TMEM106A: variants seen among roughly 807,000 people sequenced by gnomAD.
The protein encoded by TMEM106A is transmembrane protein 106A.
A neutral mutation model predicts 25.1 loss-of-function variants in TMEM106A; 22 were observed. The ratio of observed to expected loss-of-function variants is 0.88; its 90% confidence interval spans 0.63 to 1.25. The LOEUF (loss-of-function observed/expected upper bound fraction) is 1.25, where lower values mean the gene tolerates loss of function less well. Among genes scored for constraint, TMEM106A ranks in the 50% most tolerant of loss-of-function variants. The probability of loss-of-function intolerance (pLI) is 0.00; values close to 1 mark genes in which losing one functional copy is unlikely to be tolerated. For synonymous variants in TMEM106A, 104 were observed against 129.9 expected, an observed-to-expected ratio of 0.80 and a Z score of 1.35; for missense variants, 275 against 318.1, an observed-to-expected ratio of 0.86 and a Z score of 1.03.
chr17:43,216,889 C>A, intron 7 of TMEM106A, 149 bp downstream of exon 7: 1 of 1,003,280 alleles, frequency 1.0e-6, no homozygotes, highest in African/African-American at 1.6e-5. Flanking sequence ...AGCAAGGGTT[C>A]AGGGTCCCCA....
intron 8 of TMEM106A, 112 bp from the exon 9 acceptor site, chr17:43,217,569 A>G: frequency 6.5e-7 from 1 of 1,530,176 alleles, no homozygotes; most frequent in East Asian, 2.3e-5. Flanking sequence ...GTGGGGAGCC[A>G]GAGGGAAGGG....
At position 43,216,043 on chromosome 17, in the gene TMEM106A, T is replaced by G. The variant is rs911179248; in HGVS notation, c.429+102T>G. 7 of 1,464,720 alleles carry G rather than the reference T, an allele frequency of 4.8e-6. No individual in the cohort carries two copies. In the African/African-American group the frequency reaches 7.0e-5, roughly 15 times the overall value. The allele number at this position is 1,464,720 out of a possible 1,614,324, so 90.7% of individuals were successfully genotyped here. A position where few individuals can be genotyped will look rare whatever the true frequency, so the allele number is the denominator to read the frequency against. ...TGGGCATGGGAAGCCAGAGATCTTATGGCACCCAGAGGGTGTTGGGAGCCT... is the reference window on the plus strand; with the variant it reads ...TGGGCATGGGAAGCCAGAGATCTTAGGGCACCCAGAGGGTGTTGGGAGCCT... On this transcript the variant is annotated intron_variant, in intron 5 of 8. Transcript: ENST00000612339.
At chr17:43,216,881 C>A in intron 7 of TMEM106A, 141 bp downstream of exon 7, 1 of 1,130,376 alleles carries the variant, frequency 8.8e-7, no homozygotes, top group Non-Finnish European at 1.3e-6. Flanking sequence ...ATGTAATAAG[C>A]AAGGGTTCAG....
chr17:43,216,263 T>C (rs2057484889), intron 5 of TMEM106A, among the ~76,000 whole-genome samples, 186 bp from the exon 6 acceptor site: 1 of 152,182 alleles, frequency 6.6e-6, no homozygotes, highest in African/African-American at 2.4e-5. Context: ...TGAGGCAGCT[T>C]AACTTCGTAA....
rs541393430 is a variant in TMEM106A, at chr17:43,217,938, C to G, written c.*137C>G. ...CTCATCACACCCTTACCTCCCACCC[C>G]CTCAGCACAGGAAGCTTGCTTTGAA... On this transcript the variant is annotated 3_prime_UTR_variant, in exon 9 of 9. Coordinates refer to ENST00000612339, the MANE Select transcript of TMEM106A (RefSeq NM_145041.4). The G allele has an allele frequency of 4.7e-6, 6 of 1,287,080 alleles. No individual in the cohort carries two copies. The East Asian group carries it at 7.0e-5, about 15-fold the overall frequency. 79.7% of individuals were successfully genotyped at this position (1,287,080 alleles called of 1,614,324 possible).
chr17:43,216,664 T>G, intron 6 of TMEM106A, 33 bp from the exon 7 acceptor site: 4 of 1,614,102 alleles, frequency 2.5e-6, no homozygotes, highest in Non-Finnish European at 3.4e-6. Context: ...GCAGCTGGAG[T>G]TGGGGCTAAC....
In TMEM106A at chr17:43,215,794, C is replaced by CT; in HGVS notation, c.285dup (p.Val96CysfsTer39). On this transcript the variant is annotated frameshift_variant, in exon 5 of 9. Transcript: ENST00000612339. LOFTEE classifies it high-confidence loss of function. ...GGGTCCTGCTTTCCCACAGGAAGCT[C>CT]TTTGTGTTCCTGGCCGTGCTCATCT... is the stretch of plus-strand genomic sequence containing the variant. 6.2e-7 allele frequency: 1 copy of CT among 1,613,774 alleles called. No individual in the cohort carries two copies. Among genetic ancestry groups the CT allele is most frequent in the Non-Finnish European group, 8.5e-7 (1 of 1,180,012 alleles).
intron 8 of TMEM106A, 95 bp downstream of exon 8, chr17:43,217,407 CCCCATGAATCTTTGTTGGCTCTTGGGAAT>C: frequency 6.8e-7 from 1 of 1,460,212 alleles, no homozygotes; most frequent in Non-Finnish European, 9.6e-7. Context: ...TCCAAGCTGA[CCCCATGAATCTTTGTTGGCTCTTGGGAAT>C]AGCAAGTCTA....
In TMEM106A at chr17:43,213,053, G is replaced by T; in HGVS notation, c.12G>T (p.Thr4=). 6.2e-7 allele frequency: 1 copy of T among 1,614,170 alleles called. No individual in the cohort carries two copies. Among genetic ancestry groups the T allele is most frequent in the Non-Finnish European group, 8.5e-7 (1 of 1,180,028 alleles). ...CCCGCCCCTGAAGAATGGGTAAGAC[G>T]TTTTCCCAGCTGGGCTCTTGGCGGG... The part of the protein sequence containing the change: MGK[T]FSQLGSWRED... Residue 4 remains threonine (T), a synonymous_variant, in exon 3 of 9, where the codon ACG becomes ACT. Transcript: ENST00000612339.
chr17:43,217,134 T>C, intron 7 of TMEM106A, 125 bp from the exon 8 acceptor site: 1 of 974,072 alleles, frequency 1.0e-6, no homozygotes, highest in South Asian at 1.4e-5. Context: ...AGTGACATTT[T>C]GGGGGCACCT....
intron 3 of TMEM106A, 150 bp from the exon 4 acceptor site, chr17:43,213,678 C>T: frequency 1.4e-6 from 1 of 727,740 alleles, no homozygotes; most frequent in Non-Finnish European, 2.3e-6. Context: ...GTAGCAGAGT[C>T]CAGTGCTTCC....
At chr17:43,212,968 T>C (rs2057448335) in intron 2 of TMEM106A, 53 bp from the exon 3 acceptor site, 1 of 1,457,552 alleles carries the variant, frequency 6.9e-7, no homozygotes, top group Non-Finnish European at 9.5e-7. Context: ...CAAAATTACA[T>C]CTGGCGTCAG....
Position 43,217,738 on chromosome 17 carries a change from T to C in TMEM106A, c.726T>C (p.Tyr242=). 3 of 1,614,072 alleles carry C rather than the reference T, an allele frequency of 1.9e-6. No individual in the cohort carries two copies. The highest frequency in any genetic ancestry group is 4.5e-5 in the East Asian group (2 of 44,894). ...SHSEQLVFQS[Y]EYVDCRGNAS... ...CAGAGCAGCTGGTCTTTCAGAGCTA[T>C]GAATATGTGGACTGCCGAGGAAACG... The change falls in exon 9 of 9, where the codon TAT becomes TAC. Residue 242 remains tyrosine, a synonymous_variant. Transcript: ENST00000612339.
At chr17:43,217,085 C>A in intron 7 of TMEM106A, 174 bp from the exon 8 acceptor site, 1 of 701,460 alleles carries the variant, frequency 1.4e-6, no homozygotes, top group Non-Finnish European at 2.5e-6. Flanking sequence ...ATAGTGCAGC[C>A]ATGCTGCTAC....
chr17:43,214,969 AAAAAAC>A lies in TMEM106A; in HGVS notation c.276-813_276-808del, dbSNP rs1158227270. ...AGCGAGGCCTCATCTGAAAAAAAAA[AAAAAAC>A]AAAAAAAAACCCTGTAATCCCAGCA... On this transcript the variant is annotated intron_variant, in intron 4 of 8. Transcript: ENST00000612339. Among the ~76,000 whole-genome samples, 42 of 150,264 alleles carry A rather than the reference AAAAAAC, an allele frequency of 2.8e-4. 1 individual carries two copies. The East Asian group carries it at 8.3e-3, about 30-fold the overall frequency.
rs141470135 is a variant in TMEM106A, at chr17:43,217,710, A to G, written c.698A>G (p.His233Arg). Residue 233 changes from histidine (H) to arginine (R), a missense_variant, in exon 9 of 9, where the codon CAT becomes CGT. Coordinates refer to ENST00000612339, the MANE Select transcript of TMEM106A (RefSeq NM_145041.4). ...ACCCTGACCTGTTCATACCTGAGCC[A>G]TTCAGAGCAGCTGGTCTTTCAGAGC... ...QGTLTCSYLS[H>R]SEQLVFQSYE... The G allele has an allele frequency of 7.5e-5, 121 of 1,614,198 alleles. No individual in the cohort carries two copies. The African/African-American group carries it at 1.2e-3, about 17-fold the overall frequency.
At chr17:43,216,092 A>T in intron 5 of TMEM106A, 151 bp downstream of exon 5, 4 of 946,188 alleles carry the variant, frequency 4.2e-6, no homozygotes, top group Non-Finnish European at 4.7e-6. Context: ...AGCAACCATG[A>T]GCTCCATGAC....
intron 6 of TMEM106A, 51 bp downstream of exon 6, chr17:43,216,640 G>A: frequency 6.2e-7 from 1 of 1,614,180 alleles, no homozygotes; most frequent in Non-Finnish European, 8.5e-7. Context: ...TGGATGTGTG[G>A]TAGTGGGAAA....
At position 43,213,081 on chromosome 17, in the gene TMEM106A, G is replaced by A; in HGVS notation, c.40G>A (p.Asp14Asn). 1.2e-6 allele frequency: 2 copies of A among 1,614,182 alleles called. No homozygotes were observed. Among genetic ancestry groups the A allele is most frequent in the East Asian group, 2.2e-5 (1 of 44,884 alleles). The change falls in exon 3 of 9, where the codon GAT (aspartate) becomes AAT (asparagine). Residue 14 changes from aspartate (D) to asparagine (N), a missense_variant. Physicochemically the swap from Asp to Asn is conservative, Grantham distance 23. Coordinates refer to ENST00000612339, the MANE Select transcript of TMEM106A (RefSeq NM_145041.4). ...TFSQLGSWRE[D>N]ENKSILSSKP... is the part of the protein sequence containing the mutation. ...TTCCCAGCTGGGCTCTTGGCGGGAG[G>A]ATGAGAACAAGTCAATCCTGTCCTC...
Sources: allele counts gnomAD v4.1 joint callset (sites outside exome capture counted in the v4.1 genomes callset), GRCh38; gene constraint gnomAD v4.1.1; transcripts MANE v1.5; gene names NCBI Gene and HGNC (gene_info 2026-07-23, HGNC 2026-07-21).